The following MDH1B variants were observed in gnomAD, a reference collection of about 807,000 sequenced individuals.
MDH1B encodes the protein putative malate dehydrogenase 1B.
MDH1B carries 60 observed loss-of-function variants against 61.4 expected under a neutral mutation model. The ratio of observed to expected loss-of-function variants is 0.98; its 90% confidence interval spans 0.79 to 1.21. MDH1B has a LOEUF of 1.21. Ranked by LOEUF, MDH1B falls within the 50% of genes most tolerant of loss-of-function variation. The probability of loss-of-function intolerance (pLI) is 0.00; values close to 1 mark genes in which losing one functional copy is unlikely to be tolerated. For missense variants in MDH1B, 587 were observed against 632.1 expected (o/e 0.93, Z 0.76); for synonymous variants, 236 against 218.7 (o/e 1.08, Z -0.70).
intron 11 of MDH1B, among the ~76,000 whole-genome samples, chr2:206,738,756 A>G (rs1365336619): frequency 6.6e-6 from 1 of 152,040 alleles, no homozygotes; most frequent in African/African-American, 2.4e-5. Flanking sequence ...CTCTCCTGTC[A>G]CCTTGCTTTT....
At chr2:206,760,027 GGGAAAGATGGCAACCAGAATCCT>G (rs1361277643) in intron 2 of MDH1B, among the ~76,000 whole-genome samples, 1 of 152,194 alleles carries the variant, frequency 6.6e-6, no homozygotes, top group Admixed American at 6.5e-5. Flanking sequence ...AGTTTACCCA[GGGAAAGATGGCAACCAGAATCCT>G]GGAGGAGCTG....
rs1052487622 is a variant in MDH1B at position 206,738,181 on chromosome 2, G to T, written c.*302C>A. On this transcript the variant is annotated 3_prime_UTR_variant, in exon 12 of 12. Transcript: ENST00000374412. ...AAGGAAGCAGGTTCTCTCAGAAGAT[G>T]TATGGGCAGATGCAATGACTGACAA... The T allele has an allele frequency of 8.5e-6, 2 of 236,632 alleles. No homozygotes were observed. Among genetic ancestry groups the T allele is most frequent in the African/African-American group, 4.5e-5 (2 of 44,202 alleles). 14.7% of individuals were successfully genotyped at this position (236,632 alleles called of 1,614,324 possible).
Position 206,746,320 on chromosome 2 carries a change from T to C in MDH1B, c.1323A>G (p.Gln441=). ...TDLKDVEISE[Q]IMTRMTSDLI... The stretch of plus-strand genomic sequence containing the variant: ...GATCACTTGTCATTCGGGTCATTAT[T>C]TGTTCACTTATTTCAACATCTTTGA... The change falls in exon 8 of 12, where the codon CAA becomes CAG. Residue 441 remains glutamine, a synonymous_variant. Coordinates refer to ENST00000374412, the MANE Select transcript of MDH1B (RefSeq NM_001039845.3). 6.2e-7 allele frequency: 1 copy of C among 1,613,884 alleles called. No individual in the cohort carries two copies. Among genetic ancestry groups the C allele is most frequent in the Non-Finnish European group, 8.5e-7 (1 of 1,179,906 alleles).
intron 7 of MDH1B, among the ~76,000 whole-genome samples, chr2:206,746,732 A>G (rs1688132034): frequency 2.0e-5 from 3 of 151,810 alleles, no homozygotes; most frequent in Admixed American, 2.0e-4. Flanking sequence ...TTTTCCCTGG[A>G]CCCCTATGCA....
chr2:206,743,943 C>G (rs749333700), intron 9 of MDH1B, among the ~76,000 whole-genome samples: 2 of 152,174 alleles, frequency 1.3e-5, no homozygotes, highest in Admixed American at 6.5e-5. Flanking sequence ...TGCACTCCCC[C>G]TCAATACCAG....
At position 206,755,338 on chromosome 2, in the gene MDH1B, C is replaced by T. The variant is rs1447730127; in HGVS notation, c.581G>A (p.Ser194Asn). Residue 194 changes from serine to asparagine, a missense_variant, in exon 5 of 12, where the codon AGT becomes AAT. Physicochemically the swap from Ser to Asn is conservative, Grantham distance 46. Coordinates refer to ENST00000374412, the MANE Select transcript of MDH1B (RefSeq NM_001039845.3). Reference protein sequence around the residue: ...TQDLASPVLRSVSICTKVEEA... With the variant: ...TQDLASPVLRNVSICTKVEEA... ...CTCCACCTTCGTGCAGATGGAGACACTGCGCAGGACGGGAGATGCCAGGTC... is the reference window on the plus strand; with the variant it reads ...CTCCACCTTCGTGCAGATGGAGACATTGCGCAGGACGGGAGATGCCAGGTC... 1 of 1,614,232 alleles carries T rather than the reference C, an allele frequency of 6.2e-7. No homozygotes were observed. Among genetic ancestry groups the T allele is most frequent in the Non-Finnish European group, 8.5e-7 (1 of 1,180,040 alleles).
rs1006106011 is a variant in MDH1B at position 206,753,375 on chromosome 2, T to C, written c.910+1634A>G. 2.6e-5 allele frequency among the ~76,000 whole-genome samples: 4 copies of C among 152,154 alleles called. No homozygotes were observed. The East Asian group carries it at 7.7e-4, about 29-fold the overall frequency. On this transcript the variant is annotated intron_variant, in intron 5 of 11. Coordinates refer to ENST00000374412, the MANE Select transcript of MDH1B (RefSeq NM_001039845.3). Reference sequence around the variant, plus strand: ...TGGCTCACTTGCAGCCTCAAACTCCTGTGCTTAAGTGATCCTCCCGCCTCA... The same window carrying C: ...TGGCTCACTTGCAGCCTCAAACTCCCGTGCTTAAGTGATCCTCCCGCCTCA...
At chr2:206,746,144 T>C in intron 8 of MDH1B, 143 bp downstream of exon 8, 1 of 621,358 alleles carries the variant, frequency 1.6e-6, no homozygotes. Context: ...TCACTGATTT[T>C]TTTCAAACTT....
chr2:206,763,631 A>G (rs1356354305), intron 1 of MDH1B, among the ~76,000 whole-genome samples: 2 of 152,206 alleles, frequency 1.3e-5, no homozygotes, highest in Non-Finnish European at 2.9e-5. Context: ...AAAAGAATCT[A>G]CATTATCTAA....
chr2:206,749,123 T>C lies in MDH1B; in HGVS notation c.1113A>G (p.Gln371=), dbSNP rs766373357. 4.3e-6 allele frequency: 7 copies of C among 1,614,132 alleles called. No individual in the cohort carries two copies. The South Asian group carries it at 7.7e-5, about 18-fold the overall frequency. The part of the protein sequence containing the change: ...ILKNLTTTGR[Q]FGGILAAHSI... ...TGTGTGCAGCCAAAATGCCTCCAAATTGTCTTCCTGTGGTGGTCAAGTTTT... is the reference window on the plus strand; with the variant it reads ...TGTGTGCAGCCAAAATGCCTCCAAACTGTCTTCCTGTGGTGGTCAAGTTTT... Residue 371 remains glutamine (Q), a synonymous_variant, in exon 7 of 12, where the codon CAA becomes CAG. Coordinates refer to ENST00000374412, the MANE Select transcript of MDH1B (RefSeq NM_001039845.3).
intron 1 of MDH1B, among the ~76,000 whole-genome samples, chr2:206,762,897 C>T (rs1384214485): frequency 2.6e-5 from 4 of 152,230 alleles, no homozygotes; most frequent in African/African-American, 9.6e-5. Context: ...TCACTCCTTT[C>T]TATCCTTTGT....
intron 7 of MDH1B, among the ~76,000 whole-genome samples, chr2:206,746,717 A>G (rs910342526): frequency 6.6e-6 from 1 of 152,106 alleles, no homozygotes; most frequent in Non-Finnish European, 1.5e-5. Flanking sequence ...GTCTGTCTGC[A>G]TGGCTTTTCC....
At chr2:206,742,944 T>G (rs999407401) in intron 9 of MDH1B, among the ~76,000 whole-genome samples, 1 of 152,104 alleles carries the variant, frequency 6.6e-6, no homozygotes, top group Admixed American at 6.5e-5. Flanking sequence ...CTCGATCTCC[T>G]GACTTTGTGA....
intron 10 of MDH1B, 91 bp from the exon 11 acceptor site, chr2:206,739,752 C>T: frequency 3.4e-6 from 4 of 1,160,966 alleles, no homozygotes; most frequent in Non-Finnish European, 5.0e-6. Flanking sequence ...GTTCCTTCCA[C>T]TCTGAGGTTT....
In MDH1B at chr2:206,741,045, C is replaced by A; in HGVS notation, c.1459+9G>T. 6.2e-7 allele frequency: 1 copy of A among 1,613,148 alleles called. No homozygotes were observed. Among genetic ancestry groups the A allele is most frequent in the East Asian group, 2.2e-5 (1 of 44,776 alleles). On this transcript the variant is annotated intron_variant, in intron 10 of 11. Transcript: ENST00000374412. ...AATATAGACATTGTTTATAACCCCACTGACTTACCATCTGACATAGCTAGA... is the reference window on the plus strand; with the variant it reads ...AATATAGACATTGTTTATAACCCCAATGACTTACCATCTGACATAGCTAGA...
In MDH1B at chr2:206,752,587, C is replaced by T. The variant is rs542700899; in HGVS notation, c.911-1512G>A. ...AGTCAGGGTTTGGAGCTCATAGGATCCCACATGGGGAAAATAATTCTTGGG... is the reference window on the plus strand; with the variant it reads ...AGTCAGGGTTTGGAGCTCATAGGATTCCACATGGGGAAAATAATTCTTGGG... On this transcript the variant is annotated intron_variant, in intron 5 of 11. Coordinates refer to ENST00000374412, the MANE Select transcript of MDH1B (RefSeq NM_001039845.3). Among the ~76,000 whole-genome samples, 168 of 152,206 alleles carry T rather than the reference C, an allele frequency of 1.1e-3. 1 individual carries two copies. The highest frequency in any genetic ancestry group is 1.7e-3 in the Non-Finnish European group (115 of 68,000).
intron 4 of MDH1B, chr2:206,756,641 A>G: frequency 2.4e-6 from 1 of 421,280 alleles, no homozygotes; most frequent in Non-Finnish European, 4.2e-6. Flanking sequence ...CAAAGCAGCC[A>G]TGCTATAGAG....
intron 2 of MDH1B, among the ~76,000 whole-genome samples, chr2:206,758,126 C>T (rs1295041961): frequency 2.0e-5 from 3 of 152,284 alleles, no homozygotes; most frequent in South Asian, 2.1e-4. Context: ...GTCCCTCTAG[C>T]CACAGCATAG....
intron 2 of MDH1B, among the ~76,000 whole-genome samples, chr2:206,760,078 CT>C (rs1399749696): frequency 6.6e-6 from 1 of 152,146 alleles, no homozygotes; most frequent in Non-Finnish European, 1.5e-5. Flanking sequence ...ATGGTGTGAA[CT>C]GATTATAGGG....
Sources: allele counts gnomAD v4.1 joint callset (sites outside exome capture counted in the v4.1 genomes callset), GRCh38; gene constraint gnomAD v4.1.1; transcripts MANE v1.5; gene names NCBI Gene and HGNC (gene_info 2026-07-23, HGNC 2026-07-21).